Variants in SYTL2 observed in about 807,000 individuals in gnomAD.
SYTL2 encodes the protein synaptotagmin like 2.
Under a neutral mutation model 198.7 loss-of-function variants are expected in SYTL2, and 165 were observed. The ratio of observed to expected loss-of-function variants is 0.83; its 90% CI spans 0.73 to 0.94. SYTL2 has a LOEUF of 0.94. Ranked by LOEUF, SYTL2 falls within the 40% of genes least tolerant of loss-of-function variation. The probability of loss-of-function intolerance (pLI) is 0.00; values close to 1 mark genes in which losing one functional copy is unlikely to be tolerated. For synonymous variants in SYTL2, 966 were observed against 917.7 expected (o/e 1.05, Z -0.95); for missense variants, 2,835 against 2,582.8 (o/e 1.10, Z -2.12).
At chr11:85,799,697 C>T (rs1479127556) in intron 1 of SYTL2, among the ~76,000 whole-genome samples, 1 of 152,160 alleles carries the variant, frequency 6.6e-6, no homozygotes, top group Non-Finnish European at 1.5e-5. Context: ...TCAAATGCCA[C>T]CTCTTCCAGG....
intron 1 of SYTL2, among the ~76,000 whole-genome samples, chr11:85,775,268 T>G (rs2092432304): frequency 6.6e-6 from 1 of 152,126 alleles, no homozygotes; most frequent in African/African-American, 2.4e-5. Flanking sequence ...GACAGTATCC[T>G]CTGTTTGGGA....
chr11:85,766,596 G>C (rs771266417), intron 1 of SYTL2, among the ~76,000 whole-genome samples: 1 of 152,162 alleles, frequency 6.6e-6, no homozygotes, highest in African/African-American at 2.4e-5. Flanking sequence ...ATACCAGAGA[G>C]AAACTTCCTC....
chr11:85,759,779 T>C (rs1322581034), intron 1 of SYTL2, among the ~76,000 whole-genome samples: 1 of 152,108 alleles, frequency 6.6e-6, no homozygotes, highest in Non-Finnish European at 1.5e-5. Flanking sequence ...TCATTTTCTT[T>C]TTAATTTGCA....
In SYTL2 at chr11:85,733,951, T is replaced by C. The variant is rs981343034; in HGVS notation, c.1378A>G (p.Arg460Gly). The C allele has an allele frequency of 1.2e-6, 2 of 1,613,630 alleles. No individual in the cohort carries two copies. The highest frequency in any genetic ancestry group is 2.2e-5 in the East Asian group (1 of 44,876). ...ELTRLESVLP[R>G]SPADELSHCV... ...ACAACTCTCTTACCAGCAGGGCTTCTGGGTAATACAGATTCAAGCCTTGTT... is the reference window on the plus strand; with the variant it reads ...ACAACTCTCTTACCAGCAGGGCTTCCGGGTAATACAGATTCAAGCCTTGTT... The change falls in exon 7 of 20, where the codon AGA becomes GGA. Residue 460 changes from arginine to glycine, a missense_variant. By Grantham distance (125) the Arg-to-Gly change is moderately radical. Around this residue, in one of 3 missense-constraint regions of SYTL2, gnomAD observed 2,645 missense variants for 2,381.7 expected, o/e 1.11. Transcript: ENST00000359152.
chr11:85,770,386 TG>T (rs1226460329), intron 1 of SYTL2, among the ~76,000 whole-genome samples: 1 of 152,212 alleles, frequency 6.6e-6, no homozygotes, highest in African/African-American at 2.4e-5. Flanking sequence ...CATTCACTCC[TG>T]GTTCTCCCTC....
the SYTL2 span, among the ~76,000 whole-genome samples, chr11:85,834,760 CT>C: frequency 0.14 from 21,048 of 146,472 alleles, 1,945 homozygotes; most frequent in African/African-American, 0.28. Context: ...TTTTCTTTTT[CT>C]TTTTTTTTTT....
At chr11:85,696,608 C>T (rs1020195222) in intron 18 of SYTL2, 2 of 552,154 alleles carry the variant, frequency 3.6e-6, no homozygotes, top group Admixed American at 6.5e-5. Flanking sequence ...TGAATCCTGA[C>T]TCTGCTACCT....
At chr11:85,809,748 A>G (rs913282429) in intron 1 of SYTL2, among the ~76,000 whole-genome samples, 4 of 152,210 alleles carry the variant, frequency 2.6e-5, no homozygotes, top group Non-Finnish European at 5.9e-5. Flanking sequence ...CCCACTAAAC[A>G]GCAGTCAACA....
chr11:85,814,830 A>C (rs572158834), upstream of SYTL2, among the ~76,000 whole-genome samples: 4 of 152,260 alleles, frequency 2.6e-5, no homozygotes, highest in South Asian at 8.3e-4. Flanking sequence ...GACCCAAGGA[A>C]TCCTTCTTAT....
At chr11:85,702,441 T>C (rs1160576636) in intron 16 of SYTL2, among the ~76,000 whole-genome samples, 1 of 152,122 alleles carries the variant, frequency 6.6e-6, no homozygotes, top group East Asian at 1.9e-4. Context: ...CACCTCAGCC[T>C]CCCAAAGTGC....
At chr11:85,748,577 T>C (rs1266472197) in intron 2 of SYTL2, among the ~76,000 whole-genome samples, 154 bp from the exon 3 acceptor site, 1 of 152,236 alleles carries the variant, frequency 6.6e-6, no homozygotes, top group Non-Finnish European at 1.5e-5. Flanking sequence ...CTAACAAGTG[T>C]ATGTTCACCT....
chr11:85,703,648 C>T (rs1449242079), intron 16 of SYTL2, among the ~76,000 whole-genome samples: 1 of 151,980 alleles, frequency 6.6e-6, no homozygotes, highest in Admixed American at 6.6e-5. Context: ...AACAACTCCA[C>T]GGATAAATCC....
chr11:85,775,023 T>C (rs1219111887), intron 1 of SYTL2, among the ~76,000 whole-genome samples: 1 of 151,172 alleles, frequency 6.6e-6, no homozygotes, highest in African/African-American at 2.4e-5. Flanking sequence ...TAAAATCAAA[T>C]GACAAAATGA....
chr11:85,820,752 A>G, the SYTL2 span, among the ~76,000 whole-genome samples: 2 of 152,236 alleles, frequency 1.3e-5, no homozygotes, highest in Admixed American at 1.3e-4. Context: ...GAAACATACC[A>G]CAAGAAAACG....
chr11:85,765,831 C>T (rs952121605), intron 1 of SYTL2, among the ~76,000 whole-genome samples: 1 of 152,142 alleles, frequency 6.6e-6, no homozygotes, highest in African/African-American at 2.4e-5. Context: ...TTCTGAAAAG[C>T]TCATTTTCTG....
chr11:85,844,571 T>C, the SYTL2 span, among the ~76,000 whole-genome samples: 1 of 152,178 alleles, frequency 6.6e-6, no homozygotes, highest in Non-Finnish European at 1.5e-5. Flanking sequence ...GAGGTGGGCA[T>C]CTCACCTGAG....
upstream of SYTL2, among the ~76,000 whole-genome samples, chr11:85,815,141 G>T (rs547229710): frequency 6.6e-6 from 1 of 152,252 alleles, no homozygotes; most frequent in East Asian, 1.9e-4. Flanking sequence ...TTGATAAGTT[G>T]CATTGACAAA....
intron 8 of SYTL2, among the ~76,000 whole-genome samples, chr11:85,722,444 G>T (rs1412976034): frequency 6.6e-6 from 1 of 152,046 alleles, no homozygotes; most frequent in African/African-American, 2.4e-5. Flanking sequence ...AAAGTGCTGG[G>T]ATTACAGGCG....
At chr11:85,736,974 C>A (rs1427391027) in intron 5 of SYTL2, among the ~76,000 whole-genome samples, 1 of 152,190 alleles carries the variant, frequency 6.6e-6, no homozygotes, top group Non-Finnish European at 1.5e-5. Context: ...ACCAGTGATT[C>A]TTCTACCATA....
Sources: allele counts gnomAD v4.1 joint callset (sites outside exome capture counted in the v4.1 genomes callset), GRCh38; gene constraint gnomAD v4.1.1; regional missense constraint gnomAD v4.1.1; transcripts MANE v1.5; gene names NCBI Gene and HGNC (gene_info 2026-07-23, HGNC 2026-07-21).